The following CHCHD6 variants were observed in gnomAD, a reference collection of about 807,000 sequenced individuals.
CHCHD6 encodes the protein MICOS complex subunit MIC25.
Under a neutral mutation model 32.3 loss-of-function variants are expected in CHCHD6, and 28 were observed. That is an observed-to-expected ratio of 0.87 (90% CI 0.64 to 1.19). The LOEUF (loss-of-function observed/expected upper bound fraction) is 1.19. Ranked by LOEUF, CHCHD6 falls within the 50% of genes most tolerant of loss-of-function variation. The pLI is 0.00. For missense variants in CHCHD6, 333 were observed against 307.0 expected (o/e 1.08, Z -0.63); for synonymous variants, 122 against 117.5 (o/e 1.04, Z -0.25).
intron 5 of CHCHD6, among the ~76,000 whole-genome samples, chr3:126,892,995 G>C (rs935470481): frequency 2.0e-5 from 3 of 151,600 alleles, no homozygotes; most frequent in African/African-American, 7.3e-5. Context: ...TTGAGACCGA[G>C]TCTTGCTCTG....
At chr3:126,716,159 C>T (rs374819958) in intron 1 of CHCHD6, among the ~76,000 whole-genome samples, 5 of 152,312 alleles carry the variant, frequency 3.3e-5, no homozygotes, top group East Asian at 3.9e-4. Flanking sequence ...TCACTGACTC[C>T]CAGTTCCAGC....
At chr3:126,717,186 G>A (rs1935061471) in intron 1 of CHCHD6, among the ~76,000 whole-genome samples, 2 of 152,134 alleles carry the variant, frequency 1.3e-5, no homozygotes, top group South Asian at 4.1e-4. Flanking sequence ...TAGAAGGTGG[G>A]TGTGGCATTG....
At chr3:126,774,128 C>T (rs1937593570) in intron 4 of CHCHD6, among the ~76,000 whole-genome samples, 1 of 152,080 alleles carries the variant, frequency 6.6e-6, no homozygotes, top group Admixed American at 6.5e-5. Context: ...ATTTTAATAG[C>T]ATATTTTAAA....
At chr3:126,736,053 C>T (rs1441146303) in intron 4 of CHCHD6, among the ~76,000 whole-genome samples, 3 of 152,160 alleles carry the variant, frequency 2.0e-5, no homozygotes, top group Non-Finnish European at 4.4e-5. Context: ...GCCATTGCTT[C>T]TAAAGAAGGG....
At chr3:126,765,571 G>C (rs1328750957) in intron 4 of CHCHD6, among the ~76,000 whole-genome samples, 2 of 152,200 alleles carry the variant, frequency 1.3e-5, no homozygotes, top group Non-Finnish European at 2.9e-5. Flanking sequence ...ATCCAGGTAG[G>C]GGAAAAAAGG....
chr3:126,936,836 T>A (rs1275951344), intron 6 of CHCHD6, among the ~76,000 whole-genome samples: 1 of 152,240 alleles, frequency 6.6e-6, no homozygotes, highest in Non-Finnish European at 1.5e-5. Flanking sequence ...ATTACAGGCG[T>A]GAGCCCCTGC....
chr3:126,904,580 A>C (rs1189770490), intron 5 of CHCHD6, among the ~76,000 whole-genome samples: 1 of 152,224 alleles, frequency 6.6e-6, no homozygotes, highest in Non-Finnish European at 1.5e-5. Context: ...ATATATACAC[A>C]CAACTACATA....
At chr3:126,937,050 T>C (rs967830443) in intron 6 of CHCHD6, among the ~76,000 whole-genome samples, 1 of 152,222 alleles carries the variant, frequency 6.6e-6, no homozygotes, top group African/African-American at 2.4e-5. Flanking sequence ...CTCCAGGTCA[T>C]GTGGGTAGAG....
Position 126,960,384 on chromosome 3 carries a change from A to T in CHCHD6, c.*183A>T, listed in dbSNP as rs1371539212. 1.5e-6 allele frequency: 1 copy of T among 676,198 alleles called. No homozygotes were observed. The highest frequency in any genetic ancestry group is 1.8e-5 in the African/African-American group (1 of 55,728). 41.9% of individuals were successfully genotyped at this position (676,198 alleles called of 1,614,324 possible). A position where few individuals can be genotyped will look rare whatever the true frequency, so the allele number is the denominator to read the frequency against. ...TACTGTCTGAAAACAAATAAAGCAG[A>T]TGCCTTTGTTTTCAGTCGTTGACTC... On this transcript the variant is annotated 3_prime_UTR_variant, in exon 8 of 8. Coordinates refer to ENST00000290913, the MANE Select transcript of CHCHD6 (RefSeq NM_032343.3).
At chr3:126,714,181 A>G (rs1469999728) in intron 1 of CHCHD6, among the ~76,000 whole-genome samples, 1 of 151,846 alleles carries the variant, frequency 6.6e-6, no homozygotes, top group East Asian at 1.9e-4. Context: ...TTGTGTGACA[A>G]CACTTTGCTG....
chr3:126,788,113 A>G (rs951338270), intron 4 of CHCHD6, among the ~76,000 whole-genome samples: 4 of 152,158 alleles, frequency 2.6e-5, no homozygotes, highest in African/African-American at 9.7e-5. Context: ...TTCTGTTTAT[A>G]TGATGGATTA....
At chr3:126,786,428 G>C (rs896937453) in intron 4 of CHCHD6, among the ~76,000 whole-genome samples, 2 of 152,182 alleles carry the variant, frequency 1.3e-5, no homozygotes, top group African/African-American at 4.8e-5. Context: ...GGTTGAACTA[G>C]TTTACAGTCC....
intron 1 of CHCHD6, among the ~76,000 whole-genome samples, chr3:126,704,825 A>G (rs2107647233): frequency 6.6e-6 from 1 of 152,086 alleles, no homozygotes. Context: ...CCTGTTCTCC[A>G]CAGCACATCT....
At chr3:126,871,687 T>A (rs1354235560) in intron 5 of CHCHD6, among the ~76,000 whole-genome samples, 2 of 133,254 alleles carry the variant, frequency 1.5e-5, no homozygotes, top group Non-Finnish European at 3.1e-5. Flanking sequence ...TTTTTTTGAG[T>A]CGGCGTCTCA....
At chr3:126,865,672 C>T (rs1207310331) in intron 5 of CHCHD6, 4 of 985,260 alleles carry the variant, frequency 4.1e-6, no homozygotes, top group Non-Finnish European at 3.6e-6. Context: ...ACCTCCCTCA[C>T]TGCCCCCACT....
chr3:126,717,030 G>A (rs79903368), intron 1 of CHCHD6, among the ~76,000 whole-genome samples: 4,704 of 152,278 alleles, frequency 0.031, 97 homozygotes, highest in Non-Finnish European at 0.04. Flanking sequence ...TGTTGGGGTG[G>A]CAGCCTGCTG....
rs539416596 is a variant in CHCHD6, at chr3:126,714,032, G to T, written c.87+9633G>T. On this transcript the variant is annotated intron_variant, in intron 1 of 7. Coordinates refer to ENST00000290913, the MANE Select transcript of CHCHD6 (RefSeq NM_032343.3). ...GCGGAGCTTGCAGTGAGCTGAGATC[G>T]CACCACTGCACTCCAGCCTGGGCGA... Among the ~76,000 whole-genome samples, 9 of 120,804 alleles carry T rather than the reference G, an allele frequency of 7.5e-5. No individual in the cohort carries two copies. The South Asian group carries it at 2.5e-3, about 34-fold the overall frequency. The allele number at this position is 120,804 out of a possible 152,430, so 79.3% of individuals were successfully genotyped here. A position where few individuals can be genotyped will look rare whatever the true frequency, so the allele number is the denominator to read the frequency against.
chr3:126,902,244 G>A (rs781499463), intron 5 of CHCHD6, among the ~76,000 whole-genome samples: 6 of 152,186 alleles, frequency 3.9e-5, no homozygotes, highest in East Asian at 1.9e-4. Flanking sequence ...CAGGCAAAAC[G>A]TGTAACAGTG....
chr3:126,882,079 G>T (rs573868910), intron 5 of CHCHD6, among the ~76,000 whole-genome samples: 119 of 152,256 alleles, frequency 7.8e-4, no homozygotes, highest in Non-Finnish European at 1.5e-3. Context: ...TGTTATCTCG[G>T]AACTCCAAAC....
Sources: gnomAD v4.1 joint callset for allele counts (sites outside exome capture counted in the v4.1 genomes callset) on GRCh38, gnomAD v4.1.1 for gene constraint, MANE v1.5 for transcripts, NCBI Gene and HGNC (gene_info 2026-07-23, HGNC 2026-07-21) for gene names.